The following WWP1 variants were observed in gnomAD, a reference collection of about 807,000 sequenced individuals.
The protein encoded by WWP1 is NEDD4-like E3 ubiquitin-protein ligase WWP1.
In WWP1, 49 loss-of-function variants were observed where a neutral mutation model predicts 130.6. The ratio of observed to expected loss-of-function variants is 0.38; its 90% CI spans 0.30 to 0.48. The LOEUF (loss-of-function observed/expected upper bound fraction) is 0.48, where lower values mean the gene tolerates loss of function less well. Ranked by LOEUF, WWP1 falls within the 20% of genes least tolerant of loss-of-function variation. WWP1 has a pLI of 0.99. For synonymous variants in WWP1, 332 were observed against 367.8 expected (o/e 0.90, Z 1.11); for missense variants, 809 against 1,100.6 (o/e 0.74, Z 3.75).
rs887336585 is a variant in WWP1 at position 86,405,629 on chromosome 8, T to C, written c.724+3426T>C. On this transcript the variant is annotated intron_variant, in intron 8 of 24. Coordinates refer to ENST00000517970, the MANE Select transcript of WWP1 (RefSeq NM_007013.4). ...TCACTGTAGCTCTGACCTCCTGGGC[T>C]CAAGCGATCCTCCTGCCTTAGCCCC... Among the ~76,000 whole-genome samples, 4 of 152,190 alleles carry C rather than the reference T, an allele frequency of 2.6e-5. No homozygotes were observed. In the East Asian group the frequency reaches 7.7e-4, roughly 29 times the overall value.
Position 86,435,408 on chromosome 8 carries a change from A to G in WWP1, c.1602-44A>G, listed in dbSNP as rs1466478904. On this transcript the variant is annotated intron_variant, in intron 14 of 24. Transcript: ENST00000517970. The stretch of plus-strand genomic sequence containing the variant: ...ATTTTATACTGAATACTAAATATTC[A>G]ACTTTATTATGAGTTAATTTGGTTT... 4 of 1,586,886 alleles carry G rather than the reference A, an allele frequency of 2.5e-6. No individual in the cohort carries two copies. In the African/African-American group the frequency reaches 5.4e-5, roughly 21 times the overall value.
intron 2 of WWP1, among the ~76,000 whole-genome samples, chr8:86,373,303 T>A (rs1824440509): frequency 6.6e-6 from 1 of 152,112 alleles, no homozygotes; most frequent in Admixed American, 6.6e-5. Flanking sequence ...CTGAGAAAAA[T>A]TTTTATTTTC....
chr8:86,390,724 G>T (rs1302457553), intron 5 of WWP1, among the ~76,000 whole-genome samples: 3 of 150,590 alleles, frequency 2.0e-5, no homozygotes, highest in African/African-American at 7.3e-5. Flanking sequence ...GGGGGAGGGA[G>T]AGGGGGAGGG....
At chr8:86,430,829 A>ATATATATATATATATATATATG (rs1281641543) in intron 12 of WWP1, 78 bp downstream of exon 12, 12 of 538,094 alleles carry the variant, frequency 2.2e-5, no homozygotes, top group African/African-American at 4.6e-5. Flanking sequence ...ATATATATAT[A>ATATATATATATATATATATATG]TATGTTCCTT....
At chr8:86,428,001 GTACTTTATAATATTT>G (rs909367613) in intron 11 of WWP1, among the ~76,000 whole-genome samples, 184 bp downstream of exon 11, 67 of 151,480 alleles carry the variant, frequency 4.4e-4, no homozygotes, top group African/African-American at 1.5e-3. Flanking sequence ...ATATATATAA[GTACTTTATAATATTT>G]TAAAATATTC....
chr8:86,408,561 T>C (rs1808404672), intron 8 of WWP1, among the ~76,000 whole-genome samples: 1 of 152,238 alleles, frequency 6.6e-6, no homozygotes, highest in African/African-American at 2.4e-5. Flanking sequence ...CAATACTGAA[T>C]CTTCCCATTG....
In WWP1 at chr8:86,411,598, T is replaced by C. The variant is rs1191584242; in HGVS notation, c.785T>C (p.Val262Ala). 1 of 1,614,094 alleles carries C rather than the reference T, an allele frequency of 6.2e-7. No homozygotes were observed. Among genetic ancestry groups the C allele is most frequent in the South Asian group, 1.1e-5 (1 of 91,080 alleles). The part of the protein sequence containing the change: ...TDNASVTGTP[V>A]VSEENALSPN... ...AATGCGTCTGTCACGGGTACTCCAGTAGTGTCTGAAGAAAATGCCTTGTCT... is the reference window on the plus strand; with the variant it reads ...AATGCGTCTGTCACGGGTACTCCAGCAGTGTCTGAAGAAAATGCCTTGTCT... The change falls in exon 9 of 25, where the codon GTA becomes GCA. Residue 262 changes from valine to alanine, a missense_variant. Around this residue, in one of 3 missense-constraint regions of WWP1, gnomAD observed 262 missense variants for 346.0 expected, o/e 0.76. Coordinates refer to ENST00000517970, the MANE Select transcript of WWP1 (RefSeq NM_007013.4).
Position 86,381,633 on chromosome 8 carries a change from A to T in WWP1, c.334+4A>T, listed in dbSNP as rs1209855231. The T allele has an allele frequency of 6.3e-7, 1 of 1,577,478 alleles. No homozygotes were observed. Among genetic ancestry groups the T allele is most frequent in the Non-Finnish European group, 8.6e-7 (1 of 1,168,924 alleles). On this transcript the variant is annotated splice_donor_region_variant and intron_variant, in intron 5 of 24. Transcript: ENST00000517970. Reference sequence around the variant, plus strand: ...CTGTTGATACACAATAGAAAATGTAAGTTTTTTGTTCTGACCTTTATTTCC... The same window carrying T: ...CTGTTGATACACAATAGAAAATGTATGTTTTTTGTTCTGACCTTTATTTCC...
Position 86,451,214 on chromosome 8 carries a change from TAAAAAAAAAAAAAAAA to T in WWP1, c.2274-1321_2274-1306del, listed in dbSNP as rs61141803. On this transcript the variant is annotated intron_variant, in intron 20 of 24. Coordinates refer to ENST00000517970, the MANE Select transcript of WWP1 (RefSeq NM_007013.4). Reference sequence around the variant, plus strand: ...GCAACCGAGTGAGACCCTATGTTATTAAAAAAAAAAAAAAAAAAAAAAAAAAAAAAAAAAAAAAAGA... The same window carrying T: ...GCAACCGAGTGAGACCCTATGTTATTAAAAAAAAAAAAAAAAAAAAAAAGA... 7.1e-3 allele frequency among the ~76,000 whole-genome samples: 308 copies of T among 43,668 alleles called. 3 individuals carry two copies. Among genetic ancestry groups the T allele is most frequent in the African/African-American group, 0.021 (244 of 11,804 alleles). The allele number at this position is 43,668 out of a possible 152,430, so 28.6% of individuals were successfully genotyped here. A position where few individuals can be genotyped will look rare whatever the true frequency, so the allele number is the denominator to read the frequency against.
chr8:86,424,995 C>T (rs1203711645), intron 9 of WWP1, among the ~76,000 whole-genome samples: 1 of 151,624 alleles, frequency 6.6e-6, no homozygotes, highest in Admixed American at 6.6e-5. Context: ...TTTGAGTTTC[C>T]AATACTGTAA....
chr8:86,400,589 CAG>C (rs2130499262), intron 7 of WWP1, among the ~76,000 whole-genome samples: 1 of 152,246 alleles, frequency 6.6e-6, no homozygotes, highest in African/African-American at 2.4e-5. Flanking sequence ...ACAGCAACTT[CAG>C]AGACCCCAAG....
At position 86,442,855 on chromosome 8, in the gene WWP1, AG is replaced by A. The variant is rs1586474124; in HGVS notation, c.1998+79del. 17 of 1,136,886 alleles carry A rather than the reference AG, an allele frequency of 1.5e-5. No individual in the cohort carries two copies. The East Asian group carries it at 2.1e-4, about 14-fold the overall frequency. 70.4% of individuals were successfully genotyped at this position (1,136,886 alleles called of 1,614,324 possible). ...GAGAAGGCTTTTAAAAAAAAAAAAA[AG>A]GATAAGCATTATATTTGCTATTCAC... On this transcript the variant is annotated intron_variant, in intron 18 of 24. Transcript: ENST00000517970.
At chr8:86,376,756 G>T (rs76650523) in intron 3 of WWP1, among the ~76,000 whole-genome samples, 18 of 152,194 alleles carry the variant, frequency 1.2e-4, no homozygotes, top group Non-Finnish European at 1.8e-4. Context: ...TTGAGCGTCA[G>T]TTGCTGCTCT....
chr8:86,411,240 T>C lies in WWP1; in HGVS notation c.725-298T>C, dbSNP rs545795131. Among the ~76,000 whole-genome samples the C allele has an allele frequency of 3.3e-5, 5 of 152,338 alleles. No individual in the cohort carries two copies. The South Asian group carries it at 6.2e-4, about 19-fold the overall frequency. On this transcript the variant is annotated intron_variant, in intron 8 of 24. Transcript: ENST00000517970. Reference sequence around the variant, plus strand: ...AGACTTCCTCTCAGAATTGATGATTTGGAGGGAAAACACTGGTTATCTTAA... The same window carrying C: ...AGACTTCCTCTCAGAATTGATGATTCGGAGGGAAAACACTGGTTATCTTAA...
At chr8:86,376,140 C>T (rs1029635959) in intron 3 of WWP1, among the ~76,000 whole-genome samples, 4 of 152,196 alleles carry the variant, frequency 2.6e-5, no homozygotes, top group African/African-American at 9.7e-5. Context: ...TACTTTTGCT[C>T]TGTATAAGAA....
intron 5 of WWP1, among the ~76,000 whole-genome samples, chr8:86,397,958 T>G (rs913898950): frequency 6.6e-6 from 1 of 152,172 alleles, no homozygotes; most frequent in East Asian, 1.9e-4. Flanking sequence ...AATAAGTTAC[T>G]CAATACACAG....
chr8:86,448,171 C>T lies in WWP1; in HGVS notation c.2022C>T (p.Ile674=), dbSNP rs761546518. The T allele has an allele frequency of 9.0e-6, 14 of 1,555,086 alleles. No individual in the cohort carries two copies. The highest frequency in any genetic ancestry group is 2.4e-5 in the East Asian group (1 of 42,290). Reference sequence around the variant, plus strand: ...AGGCACTATTTCATGGAAAGTTTATCGATACTGGTTTCTCTTTACCATTCT... The same window carrying T: ...AGGCACTATTTCATGGAAAGTTTATTGATACTGGTTTCTCTTTACCATTCT... ...IAMALFHGKF[I]DTGFSLPFYK... The change falls in exon 19 of 25, where the codon ATC becomes ATT. Residue 674 remains isoleucine (I), a synonymous_variant. Coordinates refer to ENST00000517970, the MANE Select transcript of WWP1 (RefSeq NM_007013.4).
intron 22 of WWP1, among the ~76,000 whole-genome samples, chr8:86,458,476 T>G (rs1326045944): frequency 3.3e-5 from 5 of 152,314 alleles, no homozygotes; most frequent in Admixed American, 3.3e-4. Flanking sequence ...ATGTATTTTT[T>G]TAGCGTGTGT....
intron 16 of WWP1, 70 bp downstream of exon 16, chr8:86,435,774 G>A: frequency 1.3e-6 from 2 of 1,502,922 alleles, no homozygotes; most frequent in Non-Finnish European, 1.8e-6. Flanking sequence ...AGAAAGTCAG[G>A]GTTTTAGAGA....
Sources: allele counts gnomAD v4.1 joint callset (sites outside exome capture counted in the v4.1 genomes callset), GRCh38; gene constraint gnomAD v4.1.1; regional missense constraint gnomAD v4.1.1; transcripts MANE v1.5; gene names NCBI Gene and HGNC (gene_info 2026-07-23, HGNC 2026-07-21).